C10orf67: variants seen among roughly 807,000 people sequenced by gnomAD.
C10orf67 encodes the protein chromosome 10 open reading frame 67, also known as uncharacterized protein C10orf67, mitochondrial.
C10orf67 carries 60 observed loss-of-function variants against 35.6 expected under a neutral mutation model. The observed-to-expected ratio is 1.68, with a 90% CI of 1.37 to 2.09. The LOEUF (loss-of-function observed/expected upper bound fraction) is 2.09, where lower values mean the gene tolerates loss of function less well. Among genes scored for constraint, C10orf67 ranks in the 30% most tolerant of loss-of-function variants. C10orf67 has a pLI of 0.00. For synonymous variants in C10orf67, 167 were observed against 115.8 expected, an observed-to-expected ratio of 1.44 and a Z score of -2.84; for missense variants, 474 against 330.2, an observed-to-expected ratio of 1.44 and a Z score of -3.38.
At chr10:23,291,497 T>G (rs1843718286) in intron 5 of C10orf67, among the ~76,000 whole-genome samples, 1 of 152,224 alleles carries the variant, frequency 6.6e-6, no homozygotes, top group South Asian at 2.1e-4. Context: ...GACATTTTAT[T>G]GACAGGAATA....
intron 10 of C10orf67, among the ~76,000 whole-genome samples, chr10:23,252,731 T>G (rs898449640): frequency 3.9e-5 from 6 of 152,214 alleles, no homozygotes; most frequent in Non-Finnish European, 7.3e-5. Context: ...TAGCCTTTTT[T>G]TGTTTTGTTT....
Position 23,223,838 on chromosome 10 carries a change from T to G in C10orf67, c.1435-20A>C. Reference sequence around the variant, plus strand: ...TACTTTCTGAAAGACACAAAAGATATGTACTGTGTTATCAGGAGGAAATAA... The same window carrying G: ...TACTTTCTGAAAGACACAAAAGATAGGTACTGTGTTATCAGGAGGAAATAA... On this transcript the variant is annotated intron_variant, in intron 13 of 15. Transcript: ENST00000636213. 3 of 714,258 alleles carry G rather than the reference T, an allele frequency of 4.2e-6. No individual in the cohort carries two copies. Among genetic ancestry groups the G allele is most frequent in the South Asian group, 3.0e-5 (2 of 67,306 alleles). The allele number at this position is 714,258 out of a possible 1,614,324, so 44.2% of individuals were successfully genotyped here. A position where few individuals can be genotyped will look rare whatever the true frequency, so the allele number is the denominator to read the frequency against.
intron 13 of C10orf67, among the ~76,000 whole-genome samples, 165 bp downstream of exon 13, chr10:23,239,564 G>A (rs1446072556): frequency 2.0e-5 from 3 of 152,170 alleles, no homozygotes; most frequent in Non-Finnish European, 4.4e-5. Flanking sequence ...AGCTCTTTGG[G>A]TTCAGGCACT....
Position 23,322,540 on chromosome 10 carries a change from A to T in C10orf67, c.328-3T>A, listed in dbSNP as rs777184473. 1 of 1,584,750 alleles carries T rather than the reference A, an allele frequency of 6.3e-7. No individual in the cohort carries two copies. The highest frequency in any genetic ancestry group is 1.3e-5 in the African/African-American group (1 of 74,120). Reference sequence around the variant, plus strand: ...TCTACCTGGAGGGATTTCATCATCTAAAAATGGAAAATATTATCCTTAGCG... The same window carrying T: ...TCTACCTGGAGGGATTTCATCATCTTAAAATGGAAAATATTATCCTTAGCG... On this transcript the variant is annotated splice_region_variant and splice_polypyrimidine_tract_variant and intron_variant, in intron 2 of 15. Transcript: ENST00000636213.
At chr10:23,250,791 C>T (rs149994886) in intron 10 of C10orf67, 100 bp from the exon 11 acceptor site, 4 of 396,254 alleles carry the variant, frequency 1.0e-5, no homozygotes, top group Non-Finnish European at 1.8e-5. Context: ...TATGCATACT[C>T]TAACTACTAT....
intron 15 of C10orf67, among the ~76,000 whole-genome samples, chr10:23,211,404 G>C (rs1023261419): frequency 3.3e-5 from 5 of 151,054 alleles, no homozygotes; most frequent in African/African-American, 1.2e-4. Flanking sequence ...TTCTAAATAA[G>C]ATTACATTCA....
Position 23,344,364 on chromosome 10 carries a change from G to A in C10orf67, c.206+205C>T, listed in dbSNP as rs1413413308. The A allele has an allele frequency of 1.7e-5, 10 of 599,338 alleles. No individual in the cohort carries two copies. The African/African-American group carries it at 1.9e-4, about 11-fold the overall frequency. The allele number at this position is 599,338 out of a possible 1,614,324, so 37.1% of individuals were successfully genotyped here. A position where few individuals can be genotyped will look rare whatever the true frequency, so the allele number is the denominator to read the frequency against. On this transcript the variant is annotated intron_variant, in intron 1 of 15. Coordinates refer to ENST00000636213, the MANE Select transcript of C10orf67 (RefSeq NM_001371909.1). ...AGGAGGGGAGTGGAGAGGGGGAGGA[G>A]GAGGCGGGGCGGGCTCCCAAGCCAC... is the stretch of plus-strand genomic sequence containing the variant.
chr10:23,207,092 A>G (rs527455842), intron 15 of C10orf67, among the ~76,000 whole-genome samples: 12 of 151,690 alleles, frequency 7.9e-5, no homozygotes, highest in African/African-American at 2.4e-4. Context: ...CACACTGCCC[A>G]GTTTACGAGA....
chr10:23,338,510 C>T (rs981155534), intron 1 of C10orf67, among the ~76,000 whole-genome samples: 2 of 152,094 alleles, frequency 1.3e-5, no homozygotes, highest in Non-Finnish European at 2.9e-5. Flanking sequence ...CCTGACTATA[C>T]TGCACTGGCC....
At chr10:23,243,228 G>C (rs1842227430) in intron 12 of C10orf67, among the ~76,000 whole-genome samples, 1 of 152,098 alleles carries the variant, frequency 6.6e-6, no homozygotes, top group Non-Finnish European at 1.5e-5. Context: ...ATTAAAATAA[G>C]AAATAGATAC....
chr10:23,212,986 G>A (rs1189731117), intron 15 of C10orf67, among the ~76,000 whole-genome samples: 1 of 151,998 alleles, frequency 6.6e-6, no homozygotes, highest in African/African-American at 2.4e-5. Flanking sequence ...TGTTCAAAGA[G>A]TTCATGTTTA....
At position 23,229,064 on chromosome 10, in the gene C10orf67, C is replaced by T. The variant is rs1841831960; in HGVS notation, c.1435-5246G>A. ...ATCTAGAACTAGAAATACCATTTGA[C>T]CCAGCCATTCCATTACTGGCTATAT... is the stretch of plus-strand genomic sequence containing the variant. On this transcript the variant is annotated intron_variant, in intron 13 of 15. Coordinates refer to ENST00000636213, the MANE Select transcript of C10orf67 (RefSeq NM_001371909.1). Among the ~76,000 whole-genome samples the T allele has an allele frequency of 2.0e-5, 3 of 152,080 alleles. No individual in the cohort carries two copies. The South Asian group carries it at 6.2e-4, about 32-fold the overall frequency.
At chr10:23,277,447 G>T (rs1377213937) in intron 8 of C10orf67, among the ~76,000 whole-genome samples, 1 of 151,852 alleles carries the variant, frequency 6.6e-6, no homozygotes, top group African/African-American at 2.4e-5. Context: ...CAGCTACTTG[G>T]GAGGCTGAGG....
chr10:23,242,132 C>T (rs1266239884), intron 12 of C10orf67, among the ~76,000 whole-genome samples: 1 of 151,966 alleles, frequency 6.6e-6, no homozygotes, highest in East Asian at 1.9e-4. Context: ...CCACCACGCC[C>T]AGCTTATTTT....
intron 7 of C10orf67, among the ~76,000 whole-genome samples, chr10:23,282,407 G>T (rs1245251762): frequency 6.6e-6 from 1 of 152,144 alleles, no homozygotes; most frequent in Non-Finnish European, 1.5e-5. Context: ...TTATTTTAGG[G>T]TTTTGCGCTA....
intron 12 of C10orf67, among the ~76,000 whole-genome samples, chr10:23,243,541 G>T (rs11013348): frequency 0.033 from 5,082 of 152,034 alleles, 259 homozygotes; most frequent in African/African-American, 0.12. Flanking sequence ...AAAAAAATTA[G>T]CCAGGCATGG....
chr10:23,276,807 T>C (rs1428757563), intron 8 of C10orf67, among the ~76,000 whole-genome samples: 1 of 152,168 alleles, frequency 6.6e-6, no homozygotes, highest in East Asian at 1.9e-4. Flanking sequence ...ACCACCTCCC[T>C]GAGCGCAGGG....
At chr10:23,248,615 T>C (rs1842373447) in intron 12 of C10orf67, among the ~76,000 whole-genome samples, 1 of 152,162 alleles carries the variant, frequency 6.6e-6, no homozygotes. Context: ...TCAGTTACAG[T>C]AAAATGAAAT....
chr10:23,290,684 G>A (rs1237013174), intron 6 of C10orf67, among the ~76,000 whole-genome samples: 1 of 152,172 alleles, frequency 6.6e-6, no homozygotes, highest in Non-Finnish European at 1.5e-5. Context: ...AAAAATTGAA[G>A]TAACTAGTAA....
Sources: gnomAD v4.1 joint callset for allele counts (sites outside exome capture counted in the v4.1 genomes callset) on GRCh38, gnomAD v4.1.1 for gene constraint, MANE v1.5 for transcripts, NCBI Gene and HGNC (gene_info 2026-07-23, HGNC 2026-07-21) for gene names.